PRKG1: variants seen among roughly 807,000 people sequenced by gnomAD.
PRKG1 encodes cGMP-dependent protein kinase 1.
A neutral mutation model predicts 88.1 loss-of-function variants in PRKG1; 35 were observed. The observed-to-expected ratio is 0.40, with a 90% CI of 0.30 to 0.53. The LOEUF (loss-of-function observed/expected upper bound fraction) is 0.53, where lower values mean the gene tolerates loss of function less well. Ranked by LOEUF, PRKG1 falls within the 20% of genes least tolerant of loss-of-function variation. The pLI is 0.59. For synonymous variants in PRKG1, 303 were observed against 292.5 expected, an observed-to-expected ratio of 1.04 and a Z score of -0.37; for missense variants, 540 against 839.8, an observed-to-expected ratio of 0.64 and a Z score of 4.41.
intron 3 of PRKG1, among the ~76,000 whole-genome samples, chr10:51,767,026 A>G (rs1401073428): frequency 6.6e-6 from 1 of 152,196 alleles, no homozygotes; most frequent in Non-Finnish European, 1.5e-5. Flanking sequence ...CTGTTACACC[A>G]ACTGTACTGA....
chr10:52,184,168 A>G (rs1261604143), intron 9 of PRKG1, among the ~76,000 whole-genome samples: 9 of 152,254 alleles, frequency 5.9e-5, no homozygotes, highest in Non-Finnish European at 7.3e-5. Flanking sequence ...GCTTTTTAAA[A>G]TGTTACTATT....
chr10:51,248,793 A>C (rs925826094), intron 2 of PRKG1, among the ~76,000 whole-genome samples: 2 of 148,168 alleles, frequency 1.3e-5, no homozygotes, highest in African/African-American at 2.6e-5. Flanking sequence ...AGATGGCTAC[A>C]TAGAAATTAC....
At position 51,983,068 on chromosome 10, in the gene PRKG1, G is replaced by A. The variant is rs891056948; in HGVS notation, c.763-71416G>A. The stretch of plus-strand genomic sequence containing the variant: ...TCTTTGTGCCCTCTTTGTGTGCTGC[G>A]GGCAGGGTTGGTAACTCAGGGAGGG... On this transcript the variant is annotated intron_variant, in intron 5 of 17. Transcript: ENST00000373980. Among the ~76,000 whole-genome samples the A allele has an allele frequency of 6.6e-5, 10 of 152,176 alleles. 1 individual carries two copies. In the South Asian group the frequency reaches 8.3e-4, roughly 13 times the overall value.
At chr10:52,218,323 G>T (rs1840164101) in intron 9 of PRKG1, among the ~76,000 whole-genome samples, 1 of 151,810 alleles carries the variant, frequency 6.6e-6, no homozygotes, top group Non-Finnish European at 1.5e-5. Flanking sequence ...CAAAGGGGCT[G>T]CTCTTTTGCC....
intron 4 of PRKG1, among the ~76,000 whole-genome samples, chr10:51,848,699 A>T (rs530639221): frequency 1.3e-5 from 2 of 151,600 alleles, no homozygotes; most frequent in Admixed American, 6.6e-5. Context: ...TAGAAATAAG[A>T]TCTCACGATA....
intron 1 of PRKG1, among the ~76,000 whole-genome samples, chr10:51,152,768 G>A (rs1846106346): frequency 6.6e-6 from 1 of 151,782 alleles, no homozygotes; most frequent in Admixed American, 6.6e-5. Flanking sequence ...AGTAGTAATA[G>A]TATTTGTTCT....
chr10:51,433,171 G>A (rs1028897106), intron 2 of PRKG1, among the ~76,000 whole-genome samples: 3 of 152,060 alleles, frequency 2.0e-5, no homozygotes, highest in Non-Finnish European at 4.4e-5. Flanking sequence ...TGGATCCCTG[G>A]TTCTAGAGCC....
rs1027106865 is a variant in PRKG1, at chr10:51,511,172, C to T, written c.592+43336C>T. Among the ~76,000 whole-genome samples, 4 of 152,074 alleles carry T rather than the reference C, an allele frequency of 2.6e-5. No individual in the cohort carries two copies. The South Asian group carries it at 6.2e-4, about 24-fold the overall frequency. ...TTTGGACACAAGATGTTGCTAGACT[C>T]CTATAACATTTACGACATTCACTCT... On this transcript the variant is annotated intron_variant, in intron 3 of 17. Coordinates refer to ENST00000373980, the MANE Select transcript of PRKG1 (RefSeq NM_006258.4).
At chr10:51,628,852 G>C (rs945796445) in intron 3 of PRKG1, among the ~76,000 whole-genome samples, 8 of 151,878 alleles carry the variant, frequency 5.3e-5, no homozygotes, top group African/African-American at 1.9e-4. Context: ...CCAGCTACTC[G>C]GGAGGCTGAG....
At chr10:51,951,600 A>C (rs1843186605) in intron 5 of PRKG1, among the ~76,000 whole-genome samples, 1 of 152,156 alleles carries the variant, frequency 6.6e-6, no homozygotes, top group Admixed American at 6.6e-5. Flanking sequence ...TATTCACAGA[A>C]TTTTTAGAAG....
chr10:51,204,098 T>G (rs1430581304), intron 2 of PRKG1, among the ~76,000 whole-genome samples: 1 of 152,240 alleles, frequency 6.6e-6, no homozygotes, highest in Non-Finnish European at 1.5e-5. Context: ...AACTTATGTA[T>G]TTCATTTAGG....
At chr10:51,057,055 G>T (rs558000808) in intron 1 of PRKG1, among the ~76,000 whole-genome samples, 103 of 152,278 alleles carry the variant, frequency 6.8e-4, no homozygotes, top group African/African-American at 2.3e-3. Flanking sequence ...TACACATTTA[G>T]TAAGTTCTTT....
At chr10:51,186,155 A>T (rs1837480294) in intron 2 of PRKG1, among the ~76,000 whole-genome samples, 1 of 151,534 alleles carries the variant, frequency 6.6e-6, no homozygotes, top group Admixed American at 6.6e-5. Flanking sequence ...CCTACTTGTA[A>T]TTTTCTGGTT....
At chr10:51,857,360 T>TTCA (rs1840709460) in intron 4 of PRKG1, among the ~76,000 whole-genome samples, 4 of 152,216 alleles carry the variant, frequency 2.6e-5, no homozygotes, top group Admixed American at 1.3e-4. Context: ...TTTGAGTATG[T>TTCA]GTTACTATTT....
chr10:51,405,800 A>G (rs1250590022), intron 2 of PRKG1, among the ~76,000 whole-genome samples: 1 of 152,034 alleles, frequency 6.6e-6, no homozygotes, highest in African/African-American at 2.4e-5. Flanking sequence ...GGATGTGGAA[A>G]CCACGTGGGG....
In PRKG1 at chr10:52,027,875, A is replaced by G. The variant is rs377464737; in HGVS notation, c.763-26609A>G. Among the ~76,000 whole-genome samples, 5 of 151,856 alleles carry G rather than the reference A, an allele frequency of 3.3e-5. No homozygotes were observed. The East Asian group carries it at 7.7e-4, about 23-fold the overall frequency. On this transcript the variant is annotated intron_variant, in intron 5 of 17. Coordinates refer to ENST00000373980, the MANE Select transcript of PRKG1 (RefSeq NM_006258.4). ...GCAATCTTGGCTCATTTCAACCTCC[A>G]CCTCCTGGATTCAAGTGATTCTCCT...
At chr10:52,219,072 AC>A (rs1564520428) in intron 9 of PRKG1, among the ~76,000 whole-genome samples, 1 of 152,098 alleles carries the variant, frequency 6.6e-6, no homozygotes, top group Non-Finnish European at 1.5e-5. Flanking sequence ...CCCTTGTGGG[AC>A]TTTTTTGTTT....
At chr10:51,688,163 G>A (rs1841042435) in intron 3 of PRKG1, among the ~76,000 whole-genome samples, 1 of 151,922 alleles carries the variant, frequency 6.6e-6, no homozygotes, top group Non-Finnish European at 1.5e-5. Context: ...TTAAAGCAGT[G>A]CTTTTCAAAC....
intron 3 of PRKG1, among the ~76,000 whole-genome samples, chr10:51,579,187 G>A (rs1380118983): frequency 6.6e-6 from 1 of 151,620 alleles, no homozygotes; most frequent in Non-Finnish European, 1.5e-5. Context: ...TCACCGTGTT[G>A]GCCAGGCTGA....
Sources: allele counts gnomAD v4.1 joint callset (sites outside exome capture counted in the v4.1 genomes callset), GRCh38; gene constraint gnomAD v4.1.1; transcripts MANE v1.5; gene names NCBI Gene and HGNC (gene_info 2026-07-23, HGNC 2026-07-21).